The following GRIK4 variants were observed in gnomAD, a reference collection of about 807,000 sequenced individuals.
GRIK4 encodes glutamate receptor ionotropic, kainate 4.
A neutral mutation model predicts 104.9 loss-of-function variants in GRIK4; 40 were observed. The observed-to-expected ratio is 0.38, with a 90% CI of 0.30 to 0.50. The LOEUF (loss-of-function observed/expected upper bound fraction) is 0.50, where lower values mean the gene tolerates loss of function less well. GRIK4 is among the 20% of genes least tolerant of loss of function. The probability of loss-of-function intolerance (pLI) is 0.93; values close to 1 mark genes in which losing one functional copy is unlikely to be tolerated. For synonymous variants in GRIK4, 485 were observed against 524.9 expected (o/e 0.92, Z 1.04); for missense variants, 1,047 against 1,308.1 (o/e 0.80, Z 3.08).
chr11:120,747,104 G>A (rs541373918), intron 3 of GRIK4, among the ~76,000 whole-genome samples: 38 of 152,104 alleles, frequency 2.5e-4, no homozygotes, highest in Non-Finnish European at 5.1e-4. Context: ...GCGTGCTGTC[G>A]CCAAACTCTC....
chr11:120,831,058 G>A (rs939732759), intron 6 of GRIK4, among the ~76,000 whole-genome samples: 1 of 152,158 alleles, frequency 6.6e-6, no homozygotes, highest in Non-Finnish European at 1.5e-5. Flanking sequence ...GAGGGCAGGG[G>A]TAGGTCCTTG....
intron 14 of GRIK4, among the ~76,000 whole-genome samples, chr11:120,944,215 CTCTCTT>C (rs776413844): frequency 5.0e-5 from 7 of 138,860 alleles, no homozygotes; most frequent in African/African-American, 1.0e-4. Flanking sequence ...CTCTCTCTCT[CTCTCTT>C]TTTGTCTTTC....
chr11:120,658,907 C>T (rs904477585), intron 2 of GRIK4, among the ~76,000 whole-genome samples: 1 of 151,918 alleles, frequency 6.6e-6, no homozygotes, highest in African/African-American at 2.4e-5. Context: ...TGCCACCACA[C>T]CTGGCTAATT....
chr11:120,619,583 G>A (rs1949159426), intron 1 of GRIK4, among the ~76,000 whole-genome samples: 2 of 152,220 alleles, frequency 1.3e-5, no homozygotes, highest in Non-Finnish European at 2.9e-5. Context: ...GTTGGAGGGG[G>A]ATCCTGGTGG....
At chr11:120,644,011 C>CTGTGTGTGTGTGTG (rs369374873) in intron 1 of GRIK4, among the ~76,000 whole-genome samples, 1,465 of 122,844 alleles carry the variant, frequency 0.012, 24 homozygotes, top group African/African-American at 0.031. Flanking sequence ...GGGAGAGGGT[C>CTGTGTGTGTGTGTG]TGTGTGTGTG....
chr11:120,749,096 C>G (rs1055728316), intron 3 of GRIK4, among the ~76,000 whole-genome samples: 4 of 152,204 alleles, frequency 2.6e-5, no homozygotes, highest in Admixed American at 1.3e-4. Flanking sequence ...AACAAGAAAG[C>G]TCTGGTGGGT....
At chr11:120,709,149 A>G in intron 3 of GRIK4, among the ~76,000 whole-genome samples, 1 of 152,032 alleles carries the variant, frequency 6.6e-6, no homozygotes, top group East Asian at 1.9e-4. Context: ...CTCTATTAAA[A>G]ATGTAGACTT....
At chr11:120,869,532 G>A (rs1178361020) in intron 9 of GRIK4, 1 of 152,326 alleles carries the variant, frequency 6.6e-6, no homozygotes, top group South Asian at 2.1e-4. Context: ...TTGCCAACAG[G>A]CATGCACGGA....
chr11:120,792,315 G>A (rs763158482), intron 3 of GRIK4, among the ~76,000 whole-genome samples: 5 of 151,698 alleles, frequency 3.3e-5, no homozygotes, highest in Non-Finnish European at 5.9e-5. Flanking sequence ...AGAGAGGGAT[G>A]AGCAGGGAAG....
Position 120,511,806 on chromosome 11 carries a change from G to C in GRIK4, c.-240G>C, listed in dbSNP as rs1389226513. The C allele has an allele frequency of 2.8e-6, 1 of 362,236 alleles. No homozygotes were observed. Among genetic ancestry groups the C allele is most frequent in the Non-Finnish European group, 5.6e-6 (1 of 179,098 alleles). The allele number at this position is 362,236 out of a possible 1,614,324, so 22.4% of individuals were successfully genotyped here. ...AGCCGCCACGGCTGCTGCGGAAGAG[G>C]AAAAACGGCCAACAGCAGCCCCGCG... On this transcript the variant is annotated 5_prime_UTR_variant, in exon 1 of 21. Coordinates refer to ENST00000527524, the MANE Select transcript of GRIK4 (RefSeq NM_014619.5).
intron 1 of GRIK4, among the ~76,000 whole-genome samples, chr11:120,528,530 G>A (rs1390501536): frequency 6.6e-6 from 1 of 152,184 alleles, no homozygotes; most frequent in East Asian, 1.9e-4. Context: ...GCCTGTCTTA[G>A]GGAACCCATC....
At position 120,869,918 on chromosome 11, in the gene GRIK4, G is replaced by C. The variant is rs141775066; in HGVS notation, c.907-4148G>C. 5.9e-5 allele frequency: 9 copies of C among 152,370 alleles called. No individual in the cohort carries two copies. In the East Asian group the frequency reaches 1.5e-3, roughly 26 times the overall value. The allele number at this position is 152,370 out of a possible 1,614,324, so 9.4% of individuals were successfully genotyped here. Reference sequence around the variant, plus strand: ...TTATTGCGTGGCTTAGCAAGATTCCGGAGTGGTGAGGTTGGAGGCCAAATC... The same window carrying C: ...TTATTGCGTGGCTTAGCAAGATTCCCGAGTGGTGAGGTTGGAGGCCAAATC... On this transcript the variant is annotated intron_variant, in intron 9 of 20. Coordinates refer to ENST00000527524, the MANE Select transcript of GRIK4 (RefSeq NM_014619.5).
intron 1 of GRIK4, among the ~76,000 whole-genome samples, chr11:120,588,758 C>T (rs922949247): frequency 3.9e-5 from 6 of 152,118 alleles, no homozygotes; most frequent in Non-Finnish European, 8.8e-5. Context: ...GGGTGTTTGG[C>T]AGTCTCCCTG....
At chr11:120,798,192 G>A (rs1359706490) in intron 3 of GRIK4, among the ~76,000 whole-genome samples, 1 of 128,268 alleles carries the variant, frequency 7.8e-6, no homozygotes, top group Non-Finnish European at 1.6e-5. Context: ...TGGAGATGGA[G>A]TCTTGCCCTG....
intron 2 of GRIK4, among the ~76,000 whole-genome samples, chr11:120,654,704 G>A (rs145107545): frequency 6.0e-4 from 92 of 152,272 alleles, no homozygotes; most frequent in Admixed American, 1.6e-3. Context: ...GCAGTGCATA[G>A]CATCTTATCA....
intron 14 of GRIK4, among the ~76,000 whole-genome samples, chr11:120,948,459 G>A (rs1054328468): frequency 2.0e-4 from 30 of 152,286 alleles, no homozygotes; most frequent in South Asian, 1.9e-3. Context: ...TGTCAATGAC[G>A]TCTTTGGGTA....
intron 3 of GRIK4, among the ~76,000 whole-genome samples, chr11:120,782,678 A>G (rs970145735): frequency 6.6e-6 from 1 of 152,064 alleles, no homozygotes; most frequent in Non-Finnish European, 1.5e-5. Flanking sequence ...TTCTGTGGAG[A>G]TTCCTCCCGT....
At chr11:120,530,620 C>G (rs1035727974) in intron 1 of GRIK4, among the ~76,000 whole-genome samples, 1 of 152,204 alleles carries the variant, frequency 6.6e-6, no homozygotes. Flanking sequence ...AGTCCCAAAC[C>G]TGGGTTCCAG....
chr11:120,770,296 G>A (rs1392145989), intron 3 of GRIK4, among the ~76,000 whole-genome samples: 1 of 152,214 alleles, frequency 6.6e-6, no homozygotes, highest in Non-Finnish European at 1.5e-5. Context: ...TTAACTCCCA[G>A]CATCTGTTTA....
Sources: allele counts gnomAD v4.1 joint callset (sites outside exome capture counted in the v4.1 genomes callset), GRCh38; gene constraint gnomAD v4.1.1; transcripts MANE v1.5; gene names NCBI Gene and HGNC (gene_info 2026-07-23, HGNC 2026-07-21).